The following GLB1 variants were observed in gnomAD, a reference collection of about 807,000 sequenced individuals.
The protein encoded by GLB1 is beta-galactosidase.
Under a neutral mutation model 74.0 loss-of-function variants are expected in GLB1, and 56 were observed. That is an observed-to-expected ratio of 0.76 (90% CI 0.61 to 0.94). The LOEUF is 0.94. Among genes scored for constraint, GLB1 ranks in the 40% least tolerant of loss-of-function variants. GLB1 has a pLI of 0.00. For synonymous variants in GLB1, 323 were observed against 323.6 expected (o/e 1.00, Z 0.02); for missense variants, 787 against 845.5 (o/e 0.93, Z 0.86).
chr3:32,965,697 C>A, the GLB1 span, among the ~76,000 whole-genome samples: 2 of 152,340 alleles, frequency 1.3e-5, no homozygotes, highest in Admixed American at 6.5e-5. Context: ...ATATCAGAGA[C>A]CTTTGTGTCA....
Position 32,997,286 on chromosome 3 carries a change from T to C in GLB1, c.1793A>G (p.Gln598Arg), listed in dbSNP as rs759277900. Reference protein sequence around the residue: ...LGRYWPARGPQLTLFVPQHIL... With the variant: ...LGRYWPARGPRLTLFVPQHIL... ...GTGCTGGGGCACAAACAAGGTCAAC[T>C]GAGGGCCCCGGGCTGGCCAATAGCG... is the stretch of plus-strand genomic sequence containing the variant. Residue 598 changes from glutamine (Q) to arginine (R), a missense_variant, in exon 16 of 16, where the codon CAG becomes CGG. By Grantham distance (43) the Gln-to-Arg change is conservative. Transcript: ENST00000307363. 1 of 1,614,156 alleles carries C rather than the reference T, an allele frequency of 6.2e-7. No individual in the cohort carries two copies.
At chr3:32,970,570 A>C in the GLB1 span, among the ~76,000 whole-genome samples, 1 of 152,102 alleles carries the variant, frequency 6.6e-6, no homozygotes, top group Non-Finnish European at 1.5e-5. Flanking sequence ...GAAAAATGGA[A>C]TTCAACCACT....
intron 15 of GLB1, among the ~76,000 whole-genome samples, chr3:33,011,158 A>C (rs933339586): frequency 3.3e-5 from 5 of 152,104 alleles, no homozygotes; most frequent in Non-Finnish European, 7.4e-5. Context: ...ACACCCAGTA[A>C]AACATACTTT....
At chr3:33,025,786 G>T (rs549871953) in intron 10 of GLB1, among the ~76,000 whole-genome samples, 65 of 152,300 alleles carry the variant, frequency 4.3e-4, no homozygotes, top group African/African-American at 1.4e-3. Context: ...CGGCGGAGAG[G>T]ACCCCTGTGC....
At chr3:32,961,472 C>G in the GLB1 span, among the ~76,000 whole-genome samples, 1 of 152,040 alleles carries the variant, frequency 6.6e-6, no homozygotes, top group Non-Finnish European at 1.5e-5. Context: ...TCTCCTGGCC[C>G]CAGTTTGGTT....
rs769940566 is a variant in GLB1, at chr3:33,014,103, G to C, written c.1687C>G (p.Pro563Ala). Residue 563 changes from proline to alanine, a missense_variant, in exon 15 of 16, where the codon CCA (proline) becomes GCA (alanine). By Grantham distance (27) the Pro-to-Ala change is conservative. Coordinates refer to ENST00000307363, the MANE Select transcript of GLB1 (RefSeq NM_000404.4). ...ATAAAGGTGTCCTGGGGCAAGTCTGGGATCCCACTGGGAATGGAGAAGTTC... is the reference window on the plus strand; with the variant it reads ...ATAAAGGTGTCCTGGGGCAAGTCTGCGATCCCACTGGGAATGGAGAAGTTC... ...MGNFSIPSGI[P>A]DLPQDTFIQF... 2 of 1,614,188 alleles carry C rather than the reference G, an allele frequency of 1.2e-6. No homozygotes were observed. The highest frequency in any genetic ancestry group is 1.7e-6 in the Non-Finnish European group (2 of 1,180,040).
chr3:33,031,794 TTTTTG>T (rs1222930465), intron 10 of GLB1, among the ~76,000 whole-genome samples: 4 of 151,164 alleles, frequency 2.6e-5, no homozygotes, highest in East Asian at 1.9e-4. Context: ...TTCATTTCTT[TTTTTG>T]TTTTGTTTTG....
intron 4 of GLB1, among the ~76,000 whole-genome samples, chr3:33,065,847 A>G (rs1300622912): frequency 6.6e-6 from 1 of 151,922 alleles, no homozygotes; most frequent in African/African-American, 2.4e-5. Context: ...CATGCCTGTA[A>G]TCCCAGCTAC....
chr3:33,074,409 A>AAAGAAAGAAAGAAAGAAAG (rs1559413033), intron 1 of GLB1, among the ~76,000 whole-genome samples: 10 of 115,114 alleles, frequency 8.7e-5, no homozygotes, highest in Non-Finnish European at 1.0e-4. Context: ...AGAAAGAAAG[A>AAAGAAAGAAAGAAAGAAAG]ATATTACACA....
chr3:33,059,597 A>C (rs1699362560), intron 5 of GLB1, among the ~76,000 whole-genome samples: 1 of 152,216 alleles, frequency 6.6e-6, no homozygotes, highest in Admixed American at 6.5e-5. Flanking sequence ...CATAGGTGGT[A>C]AAAGTATAAA....
At chr3:33,077,458 T>C (rs1700155810) in intron 1 of GLB1, 2 of 805,970 alleles carry the variant, frequency 2.5e-6, no homozygotes, top group Admixed American at 3.9e-5. Context: ...ATACAACCGA[T>C]ATGTTCCAAC....
At chr3:33,071,647 C>T (rs1162488451) in intron 2 of GLB1, among the ~76,000 whole-genome samples, 1 of 152,124 alleles carries the variant, frequency 6.6e-6, no homozygotes, top group African/African-American at 2.4e-5. Context: ...TAAAGGAGAT[C>T]GGAAGGCCTT....
At chr3:33,087,330 GA>G (rs1700547895) in intron 1 of GLB1, among the ~76,000 whole-genome samples, 1 of 152,168 alleles carries the variant, frequency 6.6e-6, no homozygotes, top group South Asian at 2.1e-4. Context: ...AGCACTTTGG[GA>G]GGGGGAAGCG....
the GLB1 span, among the ~76,000 whole-genome samples, chr3:32,966,960 T>C: frequency 6.6e-6 from 1 of 152,192 alleles, no homozygotes; most frequent in Admixed American, 6.5e-5. Flanking sequence ...TAGATTTCTT[T>C]CCTTTATAAA....
chr3:33,023,356 C>G (rs1362638214), intron 11 of GLB1, among the ~76,000 whole-genome samples: 1 of 152,170 alleles, frequency 6.6e-6, no homozygotes, highest in Non-Finnish European at 1.5e-5. Flanking sequence ...CCTTATCAGA[C>G]AGAAAGACCA....
chr3:33,052,249 A>G (rs974802328), intron 7 of GLB1, among the ~76,000 whole-genome samples: 4 of 152,204 alleles, frequency 2.6e-5, no homozygotes, highest in Admixed American at 2.6e-4. Context: ...AGTGGTGCCT[A>G]TATTAAAATT....
At chr3:33,079,487 T>C (rs1043190595) in intron 1 of GLB1, among the ~76,000 whole-genome samples, 5 of 152,218 alleles carry the variant, frequency 3.3e-5, no homozygotes, top group African/African-American at 1.2e-4. Flanking sequence ...GATGAATTGA[T>C]AGATGGAGGA....
chr3:33,093,512 C>T lies in GLB1; in HGVS notation c.75+3499G>A, dbSNP rs796909467. ...CCAGCACATTCACCATCCTCACAAA[C>T]ATTTCCATCTTGGTCCTGCCCACTG... On this transcript the variant is annotated intron_variant, in intron 1 of 15. Transcript: ENST00000307363. This position sits in a 1 kb window ranked among gnomAD's most constrained non-coding sequence, Gnocchi z 6.0. 2 of 1,614,232 alleles carry T rather than the reference C, an allele frequency of 1.2e-6. No homozygotes were observed. The highest frequency in any genetic ancestry group is 8.5e-7 in the Non-Finnish European group (1 of 1,180,048).
At chr3:33,013,211 A>G (rs1439302640) in intron 15 of GLB1, among the ~76,000 whole-genome samples, 1 of 152,134 alleles carries the variant, frequency 6.6e-6, no homozygotes, top group Admixed American at 6.5e-5. Flanking sequence ...CTCATCCTTC[A>G]TATCTCTGAC....
Sources: gnomAD v4.1 joint callset for allele counts (sites outside exome capture counted in the v4.1 genomes callset) on GRCh38, gnomAD v4.1.1 for gene constraint, Gnocchi (gnomAD v3.1) non-coding constraint, MANE v1.5 for transcripts, NCBI Gene and HGNC (gene_info 2026-07-23, HGNC 2026-07-21) for gene names.